ARHGAP29: variants seen among roughly 807,000 people sequenced by gnomAD.
ARHGAP29 encodes Rho GTPase activating protein 29, also known as rho GTPase-activating protein 29.
A neutral mutation model predicts 122.6 loss-of-function variants in ARHGAP29; 43 were observed. The ratio of observed to expected loss-of-function variants is 0.35; its 90% CI spans 0.27 to 0.45. The LOEUF (loss-of-function observed/expected upper bound fraction) is 0.45, where lower values mean the gene tolerates loss of function less well. ARHGAP29 is among the 20% of genes least tolerant of loss of function. ARHGAP29 has a pLI of 1.00. For missense variants in ARHGAP29, 1,303 were observed against 1,477.2 expected, an observed-to-expected ratio of 0.88 and a Z score of 1.93; for synonymous variants, 506 against 497.1, an observed-to-expected ratio of 1.02 and a Z score of -0.24.
chr1:94,304,569 T>C, the ARHGAP29 span, among the ~76,000 whole-genome samples: 3,239 of 152,372 alleles, frequency 0.021, 159 homozygotes, highest in Admixed American at 0.11. Flanking sequence ...ACACATAATG[T>C]ACTGCTTAAA....
intron 2 of ARHGAP29, among the ~76,000 whole-genome samples, chr1:94,221,612 T>C (rs897041361): frequency 2.5e-4 from 38 of 150,664 alleles, no homozygotes; most frequent in Non-Finnish European, 4.6e-4. Context: ...TTTGTGTATA[T>C]ACTTAAATAT....
At chr1:94,185,894 A>G (rs1368284127) in intron 16 of ARHGAP29, among the ~76,000 whole-genome samples, 1 of 152,208 alleles carries the variant, frequency 6.6e-6, no homozygotes, top group Non-Finnish European at 1.5e-5. Context: ...TTACAGATAA[A>G]GCTATCCTTA....
chr1:94,301,833 TC>T, the ARHGAP29 span, among the ~76,000 whole-genome samples: 1 of 152,138 alleles, frequency 6.6e-6, no homozygotes, highest in Non-Finnish European at 1.5e-5. Context: ...TTGGCCCAAA[TC>T]CTAGCTCTTT....
chr1:94,236,728 A>T (rs533935394), intron 1 of ARHGAP29, among the ~76,000 whole-genome samples: 2 of 152,240 alleles, frequency 1.3e-5, no homozygotes, highest in East Asian at 3.9e-4. Context: ...ACACGTCCAC[A>T]ATTGAACTGG....
intron 1 of ARHGAP29, among the ~76,000 whole-genome samples, chr1:94,256,766 G>A (rs1654371191): frequency 6.6e-6 from 1 of 151,332 alleles, no homozygotes; most frequent in Non-Finnish European, 1.5e-5. Context: ...CACCATGTTA[G>A]CCAGGATGGT....
At chr1:94,287,646 C>T in the ARHGAP29 span, among the ~76,000 whole-genome samples, 1 of 151,958 alleles carries the variant, frequency 6.6e-6, no homozygotes, top group Non-Finnish European at 1.5e-5. Context: ...AATGCTATCC[C>T]CCCCAGCTCC....
intron 1 of ARHGAP29, among the ~76,000 whole-genome samples, chr1:94,261,191 CCTTCTTACCTCAGCT>C (rs1654545246): frequency 6.6e-6 from 1 of 152,154 alleles, no homozygotes; most frequent in African/African-American, 2.4e-5. Flanking sequence ...CTTGGCCAGA[CCTTCTTACCTCAGCT>C]CTGTAGCTTC....
At chr1:94,205,258 CAAAG>C (rs1651118653) in intron 6 of ARHGAP29, 60 bp from the exon 7 acceptor site, 1 of 1,302,900 alleles carries the variant, frequency 7.7e-7, no homozygotes, top group East Asian at 2.7e-5. Flanking sequence ...TAACTCCAAA[CAAAG>C]AAGCACTGAG....
At chr1:94,174,944 A>AT (rs1222307996) in intron 22 of ARHGAP29, among the ~76,000 whole-genome samples, 195 bp from the exon 23 acceptor site, 4 of 152,168 alleles carry the variant, frequency 2.6e-5, no homozygotes, top group Non-Finnish European at 5.9e-5. Context: ...AAAAGTTCAA[A>AT]TTTTTTACTC....
intron 1 of ARHGAP29, among the ~76,000 whole-genome samples, chr1:94,235,786 G>T (rs1292510303): frequency 6.6e-6 from 1 of 152,134 alleles, no homozygotes; most frequent in Non-Finnish European, 1.5e-5. Context: ...CACTTCCATT[G>T]TATGTTGTAA....
At chr1:94,208,755 C>T (rs1159664025) in intron 5 of ARHGAP29, 77 bp downstream of exon 5, 44 of 1,415,136 alleles carry the variant, frequency 3.1e-5, no homozygotes, top group Admixed American at 5.1e-5. Flanking sequence ...CCACCACCCC[C>T]GGCCTAAGAT....
Position 94,211,287 on chromosome 1 carries a change from CAAAAAAAAAAA to C in ARHGAP29, c.341-1948_341-1938del, listed in dbSNP as rs71094285. ...GGGCGACAGAGCAAGGCTCTGGCTC[CAAAAAAAAAAA>C]AAAAAAAAAAAAAAAGGACATAACA... is the stretch of plus-strand genomic sequence containing the variant. On this transcript the variant is annotated intron_variant, in intron 3 of 22. Transcript: ENST00000260526. Among the ~76,000 whole-genome samples, 23 of 35,996 alleles carry C rather than the reference CAAAAAAAAAAA, an allele frequency of 6.4e-4. No homozygotes were observed. In the East Asian group the frequency reaches 9.0e-3, roughly 14 times the overall value. 23.6% of individuals were successfully genotyped at this position (35,996 alleles called of 152,430 possible).
At chr1:94,215,747 TG>T (rs1459408715) in intron 3 of ARHGAP29, among the ~76,000 whole-genome samples, 1 of 151,866 alleles carries the variant, frequency 6.6e-6, no homozygotes, top group Non-Finnish European at 1.5e-5. Context: ...CATAAAAGAC[TG>T]AAAAATGTTA....
chr1:94,232,641 T>A (rs1447513119), intron 1 of ARHGAP29, among the ~76,000 whole-genome samples: 4 of 152,158 alleles, frequency 2.6e-5, no homozygotes, highest in Non-Finnish European at 5.9e-5. Flanking sequence ...TGAAAAGGGA[T>A]CACAAAATTA....
chr1:94,287,418 CT>C, the ARHGAP29 span, among the ~76,000 whole-genome samples: 1 of 152,100 alleles, frequency 6.6e-6, no homozygotes, highest in South Asian at 2.1e-4. Context: ...TTTGCTTCCC[CT>C]TTCCCTTCCA....
the ARHGAP29 span, among the ~76,000 whole-genome samples, chr1:94,294,590 A>G: frequency 6.6e-6 from 1 of 152,184 alleles, no homozygotes; most frequent in South Asian, 2.1e-4. Context: ...CTGGCCAGCA[A>G]TTGGATATAT....
chr1:94,253,793 T>C (rs145141023), intron 1 of ARHGAP29, among the ~76,000 whole-genome samples: 28 of 152,334 alleles, frequency 1.8e-4, no homozygotes, highest in African/African-American at 6.5e-4. Flanking sequence ...TGCTGAACTC[T>C]CTGAGAAACA....
At chr1:94,269,012 T>A (rs1274992513) in intron 1 of ARHGAP29, among the ~76,000 whole-genome samples, 1 of 152,190 alleles carries the variant, frequency 6.6e-6, no homozygotes, top group Non-Finnish European at 1.5e-5. Flanking sequence ...AATGGTGCAA[T>A]AACTTTTAAA....
rs1178996109 is a variant in ARHGAP29, at chr1:94,202,671, T to C, written c.1016A>G (p.Tyr339Cys). 6 of 1,614,216 alleles carry C rather than the reference T, an allele frequency of 3.7e-6. No homozygotes were observed. Among genetic ancestry groups the C allele is most frequent in the Non-Finnish European group, 5.1e-6 (6 of 1,180,044 alleles). ...AAACATGGAAGACTTTGCTTTCTCA[T>C]ATTCATCTTGACGTTGCATGCATAA... ...KLLCMQRQDE[Y>C]EKAKSSMFRA... is the part of the protein sequence containing the mutation. The change falls in exon 11 of 23, where the codon TAT (tyrosine) becomes TGT (cysteine). Residue 339 changes from tyrosine (Y) to cysteine (C), a missense_variant. Around this residue, in one of 3 missense-constraint regions of ARHGAP29, gnomAD observed 592 missense variants for 648.2 expected, o/e 0.91. Transcript: ENST00000260526.
Sources: allele counts gnomAD v4.1 joint callset (sites outside exome capture counted in the v4.1 genomes callset), GRCh38; gene constraint gnomAD v4.1.1; regional missense constraint gnomAD v4.1.1; transcripts MANE v1.5; gene names NCBI Gene and HGNC (gene_info 2026-07-23, HGNC 2026-07-21).